TAFA4: variants seen among roughly 807,000 people sequenced by gnomAD.
TAFA4 encodes chemokine-like protein TAFA-4.
A neutral mutation model predicts 21.1 loss-of-function variants in TAFA4; 20 were observed. The observed-to-expected ratio is 0.95, with a 90% CI of 0.67 to 1.38. TAFA4 has a LOEUF of 1.38. Ranked by LOEUF, TAFA4 falls within the 40% of genes most tolerant of loss-of-function variation. The probability of loss-of-function intolerance (pLI) is 0.00; values close to 1 mark genes in which losing one functional copy is unlikely to be tolerated. For missense variants in TAFA4, 211 were observed against 180.9 expected (o/e 1.17, Z -0.95); for synonymous variants, 71 against 67.4 (o/e 1.05, Z -0.26).
In TAFA4 at chr3:68,885,259, G is replaced by A; in HGVS notation, c.-71C>T. On this transcript the variant is annotated 5_prime_UTR_variant, in exon 2 of 6. Coordinates refer to ENST00000295569, the MANE Select transcript of TAFA4 (RefSeq NM_182522.5). ...GAGTGACTCCAAATTCCCATCTGTTGCTAGAACCAATCATTTCTGCCGTTC... is the reference window on the plus strand; with the variant it reads ...GAGTGACTCCAAATTCCCATCTGTTACTAGAACCAATCATTTCTGCCGTTC... 6.7e-7 allele frequency: 1 copy of A among 1,483,512 alleles called. No homozygotes were observed. The highest frequency in any genetic ancestry group is 9.3e-7 in the Non-Finnish European group (1 of 1,076,168). The allele number at this position is 1,483,512 out of a possible 1,614,324, so 91.9% of individuals were successfully genotyped here.
At chr3:68,817,461 C>T (rs1364926141) in intron 3 of TAFA4, among the ~76,000 whole-genome samples, 2 of 152,112 alleles carry the variant, frequency 1.3e-5, no homozygotes, top group Admixed American at 6.6e-5. Flanking sequence ...TGACCTCCTC[C>T]CATAAATCAT....
chr3:68,747,808 A>C (rs1429501257), intron 4 of TAFA4, among the ~76,000 whole-genome samples: 1 of 152,034 alleles, frequency 6.6e-6, no homozygotes, highest in Non-Finnish European at 1.5e-5. Flanking sequence ...TTATTGGCAC[A>C]CTCTCTTAAA....
rs188972314 is a variant in TAFA4, at chr3:68,893,092, C to T, written c.-122-7782G>A. On this transcript the variant is annotated intron_variant, in intron 1 of 5. Coordinates refer to ENST00000295569, the MANE Select transcript of TAFA4 (RefSeq NM_182522.5). ...GAGGGTTTATTTCTTTTAATTGGACCAGTTTTTAATTGGAAATTTTCCTCT... is the reference window on the plus strand; with the variant it reads ...GAGGGTTTATTTCTTTTAATTGGACTAGTTTTTAATTGGAAATTTTCCTCT... Among the ~76,000 whole-genome samples the T allele has an allele frequency of 2.9e-4, 44 of 152,256 alleles. 2 individuals carry two copies. In the East Asian group the frequency reaches 7.9e-3, roughly 27 times the overall value.
intron 1 of TAFA4, among the ~76,000 whole-genome samples, chr3:68,907,716 C>T (rs1160968607): frequency 6.6e-6 from 1 of 152,090 alleles, no homozygotes; most frequent in Non-Finnish European, 1.5e-5. Flanking sequence ...GGCTCCTGGC[C>T]CTGATGAATT....
At chr3:68,786,045 C>T (rs1017915871) in intron 3 of TAFA4, among the ~76,000 whole-genome samples, 1 of 152,144 alleles carries the variant, frequency 6.6e-6, no homozygotes, top group East Asian at 1.9e-4. Flanking sequence ...AAATAAACTA[C>T]GTTAAGTCCC....
At chr3:68,900,725 C>A (rs1310701958) in intron 1 of TAFA4, among the ~76,000 whole-genome samples, 9 of 152,160 alleles carry the variant, frequency 5.9e-5, no homozygotes, top group Non-Finnish European at 1.3e-4. Flanking sequence ...TCAAAGCACT[C>A]AACAAATACT....
chr3:68,758,493 G>A (rs1050358814), intron 3 of TAFA4, among the ~76,000 whole-genome samples: 2 of 152,164 alleles, frequency 1.3e-5, no homozygotes, highest in Non-Finnish European at 2.9e-5. Context: ...CTGCTGCCAC[G>A]TTAAGACGTG....
intron 3 of TAFA4, among the ~76,000 whole-genome samples, chr3:68,809,503 T>A (rs1168396525): frequency 6.8e-6 from 1 of 146,308 alleles, no homozygotes; most frequent in Non-Finnish European, 1.5e-5. Context: ...ATATTATTAA[T>A]GTCTCCACTA....
chr3:68,802,227 T>C (rs767514384), intron 3 of TAFA4, among the ~76,000 whole-genome samples: 3 of 152,172 alleles, frequency 2.0e-5, no homozygotes, highest in Non-Finnish European at 4.4e-5. Context: ...ATTTTATAAA[T>C]GGTATCTTTT....
intron 3 of TAFA4, among the ~76,000 whole-genome samples, chr3:68,773,708 C>T (rs781482158): frequency 2.6e-5 from 4 of 152,098 alleles, no homozygotes; most frequent in Non-Finnish European, 5.9e-5. Context: ...GAACCAGACA[C>T]ATTATTTATT....
At chr3:68,780,458 A>C (rs557359765) in intron 3 of TAFA4, among the ~76,000 whole-genome samples, 11 of 152,172 alleles carry the variant, frequency 7.2e-5, no homozygotes, top group Non-Finnish European at 1.3e-4. Context: ...GTGGGAGGTA[A>C]TTGAATCATG....
chr3:68,864,657 G>A (rs1190421202), intron 3 of TAFA4, among the ~76,000 whole-genome samples: 2 of 152,106 alleles, frequency 1.3e-5, no homozygotes, highest in Non-Finnish European at 2.9e-5. Context: ...CACAGCAGCT[G>A]TATTTATGAT....
chr3:68,826,369 C>T (rs1238914019), intron 3 of TAFA4, among the ~76,000 whole-genome samples: 2 of 152,096 alleles, frequency 1.3e-5, no homozygotes, highest in Non-Finnish European at 2.9e-5. Flanking sequence ...GTCAGCCGAT[C>T]GAGACCATCC....
intron 3 of TAFA4, among the ~76,000 whole-genome samples, chr3:68,832,731 T>A (rs555828985): frequency 6.6e-6 from 1 of 152,328 alleles, no homozygotes; most frequent in Non-Finnish European, 1.5e-5. Context: ...TGTCAGGCAG[T>A]GACGTTTAAG....
chr3:68,851,598 A>C (rs1301868123), intron 3 of TAFA4, among the ~76,000 whole-genome samples: 2 of 152,188 alleles, frequency 1.3e-5, no homozygotes, highest in African/African-American at 4.8e-5. Flanking sequence ...CCCTAAGGAA[A>C]ATAAAGTTTT....
rs2089659171 is a variant in TAFA4 at position 68,885,270 on chromosome 3, T to G, written c.-82A>C. The G allele has an allele frequency of 7.1e-7, 1 of 1,411,984 alleles. No individual in the cohort carries two copies. The highest frequency in any genetic ancestry group is 1.4e-5 in the African/African-American group (1 of 69,710). The allele number at this position is 1,411,984 out of a possible 1,614,324, so 87.5% of individuals were successfully genotyped here. ...AATTCCCATCTGTTGCTAGAACCAA[T>G]CATTTCTGCCGTTCCAAAAAATTAT... On this transcript the variant is annotated 5_prime_UTR_variant, in exon 2 of 6. Coordinates refer to ENST00000295569, the MANE Select transcript of TAFA4 (RefSeq NM_182522.5).
chr3:68,863,146 G>A (rs530667907), intron 3 of TAFA4, among the ~76,000 whole-genome samples: 1 of 151,980 alleles, frequency 6.6e-6, no homozygotes, highest in South Asian at 2.1e-4. Context: ...ACAGGCTCAG[G>A]TGGGAGGATC....
intron 3 of TAFA4, among the ~76,000 whole-genome samples, chr3:68,842,104 T>A (rs376799262): frequency 6.6e-6 from 1 of 152,298 alleles, no homozygotes; most frequent in East Asian, 1.9e-4. Context: ...TGGTTCTAGA[T>A]CCTTGAGGAA....
intron 3 of TAFA4, among the ~76,000 whole-genome samples, chr3:68,809,041 T>G (rs1191810803): frequency 6.6e-6 from 1 of 152,158 alleles, no homozygotes; most frequent in Non-Finnish European, 1.5e-5. Context: ...TGATCAAACA[T>G]GTCAATGAGG....
Sources: allele counts gnomAD v4.1 joint callset (sites outside exome capture counted in the v4.1 genomes callset), GRCh38; gene constraint gnomAD v4.1.1; transcripts MANE v1.5; gene names NCBI Gene and HGNC (gene_info 2026-07-23, HGNC 2026-07-21).